Variants in MSL3 observed in about 807,000 individuals in gnomAD.
MSL3 encodes the protein MSL complex subunit 3, also known as MSL3-like 1.
In MSL3, 5 loss-of-function variants were observed where a neutral mutation model predicts 37.2. That is an observed-to-expected ratio of 0.13 (90% CI 0.07 to 0.28). MSL3 has a LOEUF of 0.28. MSL3 is among the 10% of genes least tolerant of loss of function. The probability of loss-of-function intolerance (pLI) is 1.00; values close to 1 mark genes in which losing one functional copy is unlikely to be tolerated. For missense variants in MSL3, 315 were observed against 408.5 expected (o/e 0.77, Z 1.97); for synonymous variants, 149 against 147.6 (o/e 1.01, Z -0.07).
intron 10 of MSL3, chrX:11,769,153 A>G (rs1050076546): frequency 2.6e-5 from 3 of 115,246 alleles, no homozygotes; most frequent in East Asian, 2.7e-4. Flanking sequence ...TTGTTTTTCA[A>G]TCATTTAAAA....
At chrX:11,759,766 T>C (rs1569092380) in intron 1 of MSL3, 27 bp from the exon 2 acceptor site, 13 of 1,209,179 alleles carry the variant, frequency 1.1e-5, no homozygotes, top group Non-Finnish European at 1.5e-5. Context: ...TGTTCTGCCA[T>C]TTGTGGGAAA....
intron 12 of MSL3, 88 bp from the exon 13 acceptor site, chrX:11,774,892 G>A: frequency 1.6e-6 from 1 of 643,644 alleles, no homozygotes. Context: ...AAAAACAGTT[G>A]AAATGTTAGT....
At chrX:11,763,272 G>A (rs770204943) in intron 7 of MSL3, among the ~76,000 whole-genome samples, 7 of 112,894 alleles carry the variant, frequency 6.2e-5, no homozygotes, top group African/African-American at 1.9e-4. Context: ...TGTTTAGGGC[G>A]AGAACTTTCC....
At chrX:11,766,533 A>G in intron 9 of MSL3, 1 of 754,641 alleles carries the variant, frequency 1.3e-6, no homozygotes, top group Non-Finnish European at 1.6e-6. Flanking sequence ...TTCACTTTAC[A>G]TTGAAGACCT....
rs887421827 is a variant in MSL3, at chrX:11,763,143, A to G, written c.749+146A>G. 5 of 513,460 alleles carry G rather than the reference A, an allele frequency of 9.7e-6. No homozygotes were observed. The African/African-American group carries it at 9.8e-5, about 10-fold the overall frequency. The allele number at this position is 513,460 out of a possible 1,213,427, so 42.3% of individuals were successfully genotyped here. The stretch of plus-strand genomic sequence containing the variant: ...TTATTGATAATTCATTGAATCATCT[A>G]ATATTAAAACCTTGTCACTTTTGTG... On this transcript the variant is annotated intron_variant, in intron 7 of 12. Transcript: ENST00000312196.
intron 2 of MSL3, 110 bp downstream of exon 2, chrX:11,759,985 T>G: frequency 1.1e-6 from 1 of 916,240 alleles, no homozygotes; most frequent in Non-Finnish European, 1.5e-6. Flanking sequence ...CATTTCCTGC[T>G]TTTACTTTGT....
In MSL3 at chrX:11,774,998, C is replaced by T. The variant is rs759485287; in HGVS notation, c.1485C>T (p.His495=). 17 of 1,206,257 alleles carry T rather than the reference C, an allele frequency of 1.4e-5. No homozygotes were observed. Among genetic ancestry groups the T allele is most frequent in the South Asian group, 7.1e-5 (4 of 56,545 alleles). Residue 495 remains histidine (H), a synonymous_variant, in exon 13 of 13, where the codon CAC becomes CAT. Transcript: ENST00000312196. Reference sequence around the variant, plus strand: ...TTTCCAGGTTTTTAGCAGAATACCACGATGACTTCTTCCCAGAGTCGGCTT... The same window carrying T: ...TTTCCAGGTTTTTAGCAGAATACCATGATGACTTCTTCCCAGAGTCGGCTT... The part of the protein sequence containing the change: ...DLFLRFLAEY[H]DDFFPESAYV...
chrX:11,761,068 A>G (rs761210562), intron 4 of MSL3, 131 bp downstream of exon 4: 1 of 486,307 alleles, frequency 2.1e-6, no homozygotes, highest in South Asian at 3.9e-5. Context: ...TTTATTTTTG[A>G]CAATTAAAGT....
chrX:11,758,423 G>T, intron 1 of MSL3, 58 bp downstream of exon 1: 1 of 945,323 alleles, frequency 1.1e-6, no homozygotes, highest in South Asian at 3.4e-5. Context: ...GACCGGGGGC[G>T]GGGGCGGGGG....
chrX:11,775,123 C>T lies in MSL3; in HGVS notation c.*44C>T, dbSNP rs780815961. The T allele has an allele frequency of 7.1e-5, 70 of 990,652 alleles. No individual in the cohort carries two copies. Among genetic ancestry groups the T allele is most frequent in the Admixed American group, 2.8e-4 (12 of 43,191 alleles). The allele number at this position is 990,652 out of a possible 1,213,427, so 81.6% of individuals were successfully genotyped here. ...AGAGCAACTGCTCTGTCTAGTTTGG[C>T]GCTCTGGGTTCCAGGTGAATAACTA... is the stretch of plus-strand genomic sequence containing the variant. On this transcript the variant is annotated 3_prime_UTR_variant, in exon 13 of 13. Transcript: ENST00000312196.
chrX:11,771,636 G>T (rs1368860669), intron 10 of MSL3, among the ~76,000 whole-genome samples: 1 of 112,760 alleles, frequency 8.9e-6, no homozygotes, highest in Non-Finnish European at 1.9e-5. Flanking sequence ...CTGGAGTGCA[G>T]TGGCACAACC....
chrX:11,759,793 A>G lies in MSL3; in HGVS notation c.103A>G (p.Ile35Val), dbSNP rs2053112257. The G allele has an allele frequency of 8.3e-7, 1 of 1,210,535 alleles. No homozygotes were observed. ...TGTGGGAAATATTTCTTCGTTTCAG[A>G]TTGTTGATGTTATTGTTGGGAAAGA... ...TKARVLYDAK[I>V]VDVIVGKDEK... The change falls in exon 2 of 13, where the codon ATT becomes GTT. Residue 35 changes from isoleucine to valine, a missense_variant and splice_region_variant. Transcript: ENST00000312196.
At chrX:11,766,455 C>T in intron 9 of MSL3, 1 of 752,338 alleles carries the variant, frequency 1.3e-6, no homozygotes, top group Non-Finnish European at 1.6e-6. Context: ...ACTAACCAGG[C>T]ATTTTTCCCA....
upstream of MSL3, chrX:11,758,207 C>T: frequency 3.0e-6 from 1 of 328,866 alleles, no homozygotes. Flanking sequence ...CGCCCGCCCT[C>T]CCCCACCGCG....
chrX:11,774,948 T>C lies in MSL3; in HGVS notation c.1467-32T>C, dbSNP rs773112342. 6.7e-6 allele frequency: 7 copies of C among 1,039,013 alleles called. No homozygotes were observed. The East Asian group carries it at 1.8e-4, about 27-fold the overall frequency. The allele number at this position is 1,039,013 out of a possible 1,213,427, so 85.6% of individuals were successfully genotyped here. On this transcript the variant is annotated intron_variant, in intron 12 of 12. Coordinates refer to ENST00000312196, the MANE Select transcript of MSL3 (RefSeq NM_078629.4). ...GCTTGATGGTATTTAGTCCTTAGTA[T>C]GGTGCTCATTGGGGCTATTTTTTTT...
intron 4 of MSL3, 73 bp from the exon 5 acceptor site, chrX:11,761,427 C>T (rs1372492705): frequency 3.4e-5 from 21 of 613,939 alleles, no homozygotes; most frequent in Non-Finnish European, 5.0e-5. Flanking sequence ...CCACACTACA[C>T]GTGAAGATCT....
intron 2 of MSL3, 91 bp from the exon 3 acceptor site, chrX:11,760,312 A>T: frequency 1.7e-6 from 1 of 571,439 alleles, no homozygotes; most frequent in Non-Finnish European, 2.7e-6. Flanking sequence ...CTAAAAATGT[A>T]ATTCTGGGGC....
At position 11,765,801 on chromosome X, in the gene MSL3, T is replaced by C. The variant is rs1345850424; in HGVS notation, c.1171+72T>C. The C allele has an allele frequency of 4.2e-6, 5 of 1,182,737 alleles. No individual in the cohort carries two copies. The South Asian group carries it at 5.8e-5, about 14-fold the overall frequency. ...CTTTGTGTTTAGTCAGTGCCAGGCATGGTGCTGAGGTTACATGTGTGTGTG... is the reference window on the plus strand; with the variant it reads ...CTTTGTGTTTAGTCAGTGCCAGGCACGGTGCTGAGGTTACATGTGTGTGTG... On this transcript the variant is annotated intron_variant, in intron 9 of 12. Transcript: ENST00000312196.
intron 12 of MSL3, among the ~76,000 whole-genome samples, chrX:11,774,304 TTTTA>T (rs1469813829): frequency 8.9e-6 from 1 of 111,920 alleles, no homozygotes; most frequent in African/African-American, 3.3e-5. Context: ...TATAATCGTT[TTTTA>T]TTTTTTATTT....
Sources: allele counts gnomAD v4.1 joint callset (sites outside exome capture counted in the v4.1 genomes callset), GRCh38; gene constraint gnomAD v4.1.1; transcripts MANE v1.5; gene names NCBI Gene and HGNC (gene_info 2026-07-23, HGNC 2026-07-21).